RBFOX2: variants seen among roughly 807,000 people sequenced by gnomAD.
RBFOX2 encodes the protein RNA binding protein fox-1 homolog 2.
A neutral mutation model predicts 49.1 loss-of-function variants in RBFOX2; 10 were observed. The ratio of observed to expected loss-of-function variants is 0.20; its 90% confidence interval spans 0.13 to 0.35. The LOEUF is 0.35. RBFOX2 is among the 10% of genes least tolerant of loss of function. The pLI is 1.00. For missense variants in RBFOX2, 323 were observed against 486.9 expected (o/e 0.66, Z 3.17); for synonymous variants, 183 against 187.4 (o/e 0.98, Z 0.19).
At chr22:35,898,063 T>C in intron 1 of RBFOX2, 1 of 730,306 alleles carries the variant, frequency 1.4e-6, no homozygotes, top group Non-Finnish European at 2.6e-6. Flanking sequence ...TCAGATAGAA[T>C]CTTTATCTCT....
At chr22:35,959,558 G>T (rs1002265782) in intron 1 of RBFOX2, among the ~76,000 whole-genome samples, 6 of 152,180 alleles carry the variant, frequency 3.9e-5, no homozygotes, top group Admixed American at 6.5e-5. Context: ...AGGTCACTAG[G>T]TATCTTGTTA....
At chr22:36,028,619 C>CCCCG (rs963342718) in exon 1 of RBFOX2, among the ~76,000 whole-genome samples, 41 of 149,408 alleles carry the variant, frequency 2.7e-4, no homozygotes, top group East Asian at 7.9e-4. Context: ...ACCGCTTGCT[C>CCCCG]CCCGCCCGCC....
chr22:35,982,332 T>C (rs1467983609), intron 1 of RBFOX2, among the ~76,000 whole-genome samples: 6 of 152,122 alleles, frequency 3.9e-5, no homozygotes, highest in Non-Finnish European at 8.8e-5. Context: ...CCAGGTCCCT[T>C]TCCCTGACTT....
At chr22:35,984,472 T>G (rs1307206341) in intron 1 of RBFOX2, among the ~76,000 whole-genome samples, 1 of 152,202 alleles carries the variant, frequency 6.6e-6, no homozygotes, top group Non-Finnish European at 1.5e-5. Context: ...GAAGGCACAT[T>G]GGAACCATAC....
intron 2 of RBFOX2, among the ~76,000 whole-genome samples, chr22:35,805,744 A>G: frequency 6.6e-6 from 1 of 152,212 alleles, no homozygotes; most frequent in Non-Finnish European, 1.5e-5. Context: ...AAATTGGTCA[A>G]TGGATAAACA....
At chr22:35,955,862 T>A (rs894946792) in intron 1 of RBFOX2, among the ~76,000 whole-genome samples, 3 of 152,216 alleles carry the variant, frequency 2.0e-5, no homozygotes, top group African/African-American at 7.2e-5. Context: ...TGTTTCAATA[T>A]TATTCTGAAG....
intron 2 of RBFOX2, among the ~76,000 whole-genome samples, chr22:35,792,325 AAAAAAAAAAG>A: frequency 7.3e-6 from 1 of 137,174 alleles, no homozygotes; most frequent in Non-Finnish European, 1.5e-5. Flanking sequence ...CAAAAAAAAA[AAAAAAAAAAG>A]AAAAGAAAAG....
At chr22:35,944,894 A>G (rs748292487) in intron 1 of RBFOX2, among the ~76,000 whole-genome samples, 6 of 152,100 alleles carry the variant, frequency 3.9e-5, no homozygotes, top group Non-Finnish European at 8.8e-5. Context: ...TGGCCAACAC[A>G]GTGAAACCCC....
Position 35,828,541 on chromosome 22 carries a change from C to G in RBFOX2, c.27+11651G>C, listed in dbSNP as rs556850369. On this transcript the variant is annotated intron_variant, in intron 1 of 11. Coordinates refer to ENST00000405409, the Ensembl canonical transcript of RBFOX2. ...ACTGCCACATCTATGTGTGAAACTT[C>G]CAGAGGCTGGGGAAAGAACCACCTG... 9.9e-5 allele frequency among the ~76,000 whole-genome samples: 15 copies of G among 152,262 alleles called. 1 individual carries two copies. In the South Asian group the frequency reaches 3.1e-3, roughly 32 times the overall value.
chr22:35,990,480 T>TG (rs1376965506), intron 1 of RBFOX2, among the ~76,000 whole-genome samples: 3 of 152,180 alleles, frequency 2.0e-5, no homozygotes, highest in African/African-American at 4.8e-5. Context: ...AAAGAGGCAG[T>TG]GGGGGTAATT....
At chr22:35,989,269 A>T (rs778588655) in intron 1 of RBFOX2, among the ~76,000 whole-genome samples, 1 of 152,166 alleles carries the variant, frequency 6.6e-6, no homozygotes, top group Non-Finnish European at 1.5e-5. Flanking sequence ...AAAGAAAAAG[A>T]CCTAGAATAG....
chr22:35,884,324 A>G (rs1373831165), intron 1 of RBFOX2, among the ~76,000 whole-genome samples: 1 of 152,034 alleles, frequency 6.6e-6, no homozygotes, highest in Non-Finnish European at 1.5e-5. Flanking sequence ...GTAACAATTC[A>G]TTTTCAATCA....
At chr22:35,879,480 C>T (rs186191317) in intron 1 of RBFOX2, among the ~76,000 whole-genome samples, 2 of 152,220 alleles carry the variant, frequency 1.3e-5, no homozygotes, top group African/African-American at 2.4e-5. Flanking sequence ...TGAGCATCTG[C>T]GGATTTGGGT....
chr22:35,958,641 A>T (rs2055857546), intron 1 of RBFOX2, among the ~76,000 whole-genome samples: 1 of 152,196 alleles, frequency 6.6e-6, no homozygotes, highest in African/African-American at 2.4e-5. Context: ...GATAATGCTC[A>T]TTACTTACCA....
chr22:35,907,388 A>C (rs2049243642), intron 1 of RBFOX2, among the ~76,000 whole-genome samples: 1 of 152,196 alleles, frequency 6.6e-6, no homozygotes, highest in Non-Finnish European at 1.5e-5. Context: ...TGCTTTGTGG[A>C]AAGGGGGAAA....
At position 35,986,168 on chromosome 22, in the gene RBFOX2, TTAAA is replaced by T. The variant is rs1344847487; in HGVS notation, c.186+42068_186+42071del. 6.6e-5 allele frequency among the ~76,000 whole-genome samples: 10 copies of T among 152,218 alleles called. No homozygotes were observed. In the East Asian group the frequency reaches 7.7e-4, roughly 12 times the overall value. On this transcript the variant is annotated intron_variant, in intron 1 of 13. Transcript: ENST00000438146. ...CACTATTATAGGCAATCAGGTATGCTTAAATAGAGGCACAACCCATGTGCACACA... is the reference window on the plus strand; with the variant it reads ...CACTATTATAGGCAATCAGGTATGCTTAGAGGCACAACCCATGTGCACACA...
intron 1 of RBFOX2, among the ~76,000 whole-genome samples, chr22:35,906,247 T>C (rs535216737): frequency 6.6e-6 from 1 of 152,166 alleles, no homozygotes; most frequent in Non-Finnish European, 1.5e-5. Context: ...AAACACCCAG[T>C]GCCTGTAGGG....
At position 35,929,848 on chromosome 22, in the gene RBFOX2, A is replaced by T. The variant is rs551019225; in HGVS notation, c.-34+8999T>A. Among the ~76,000 whole-genome samples, 56 of 152,088 alleles carry T rather than the reference A, an allele frequency of 3.7e-4. 1 individual carries two copies. Among genetic ancestry groups the T allele is most frequent in the African/African-American group, 1.3e-3 (54 of 41,484 alleles). On this transcript the variant is annotated intron_variant, in intron 1 of 13. Transcript: ENST00000359369. Reference sequence around the variant, plus strand: ...TGGTTGGCTGGGGGAGAGAGGGAGGACTGGAGAGGGAGCAGGGAATGACTG... The same window carrying T: ...TGGTTGGCTGGGGGAGAGAGGGAGGTCTGGAGAGGGAGCAGGGAATGACTG...
At chr22:35,844,659 AG>A (rs1386933066), upstream of RBFOX2, among the ~76,000 whole-genome samples, 20 of 136,774 alleles carry the variant, frequency 1.5e-4, no homozygotes, top group African/African-American at 5.5e-4. Context: ...CATGCCCGGC[AG>A]TTTTTTTTTT....
Sources: allele counts gnomAD v4.1 joint callset (sites outside exome capture counted in the v4.1 genomes callset), GRCh38; gene constraint gnomAD v4.1.1; transcripts MANE v1.5; gene names NCBI Gene and HGNC (gene_info 2026-07-23, HGNC 2026-07-21).